Variants in PRKG1 observed in about 807,000 individuals in gnomAD.
The protein encoded by PRKG1 is cGMP-dependent protein kinase 1.
A neutral mutation model predicts 88.1 loss-of-function variants in PRKG1; 35 were observed. The observed-to-expected ratio is 0.40, with a 90% CI of 0.30 to 0.53. The LOEUF is 0.53. Ranked by LOEUF, PRKG1 falls within the 20% of genes least tolerant of loss-of-function variation. PRKG1 has a pLI of 0.59. For synonymous variants in PRKG1, 303 were observed against 292.5 expected, an observed-to-expected ratio of 1.04 and a Z score of -0.37; for missense variants, 540 against 839.8, an observed-to-expected ratio of 0.64 and a Z score of 4.41.
chr10:51,125,569 C>T (rs1845374708), intron 1 of PRKG1, among the ~76,000 whole-genome samples: 1 of 149,140 alleles, frequency 6.7e-6, no homozygotes, highest in African/African-American at 2.4e-5. Flanking sequence ...GTAATCCCAG[C>T]TACTTGGGAG....
intron 1 of PRKG1, among the ~76,000 whole-genome samples, chr10:51,022,709 GA>G (rs560277687): frequency 1.3e-5 from 2 of 151,794 alleles, no homozygotes; most frequent in East Asian, 1.9e-4. Context: ...AAATCAATTA[GA>G]AAAAAAAGAT....
intron 1 of PRKG1, among the ~76,000 whole-genome samples, chr10:51,039,449 C>T (rs912427125): frequency 5.8e-4 from 89 of 152,150 alleles, no homozygotes; most frequent in African/African-American, 1.9e-3. Context: ...TTTTCCTACA[C>T]AGTTGTTTGA....
At chr10:51,483,474 C>G (rs1412188636) in intron 3 of PRKG1, among the ~76,000 whole-genome samples, 3 of 151,970 alleles carry the variant, frequency 2.0e-5, no homozygotes, top group Non-Finnish European at 2.9e-5. Flanking sequence ...TTTCTAGTTC[C>G]TTTATTATTT....
chr10:51,198,121 A>T (rs1315640909), intron 2 of PRKG1, among the ~76,000 whole-genome samples: 2 of 152,134 alleles, frequency 1.3e-5, no homozygotes, highest in Non-Finnish European at 2.9e-5. Flanking sequence ...AATGTTTGCA[A>T]GTCAGTAGTC....
chr10:52,005,228 A>G (rs1376946084), intron 5 of PRKG1, among the ~76,000 whole-genome samples: 2 of 147,268 alleles, frequency 1.4e-5, no homozygotes, highest in African/African-American at 4.9e-5. Flanking sequence ...TGGCTTATGG[A>G]TGAATGAAAG....
intron 5 of PRKG1, among the ~76,000 whole-genome samples, chr10:52,026,715 G>T (rs1845348102): frequency 6.6e-6 from 1 of 152,188 alleles, no homozygotes; most frequent in Non-Finnish European, 1.5e-5. Flanking sequence ...GGTGGCTCAC[G>T]CCTGTAATCC....
intron 1 of PRKG1, among the ~76,000 whole-genome samples, chr10:51,010,296 T>C (rs1385599812): frequency 6.6e-6 from 1 of 152,282 alleles, no homozygotes; most frequent in Non-Finnish European, 1.5e-5. Context: ...CACTCAGATT[T>C]GCACAGGGCA....
chr10:51,394,026 C>T (rs902734407), intron 2 of PRKG1, among the ~76,000 whole-genome samples: 1 of 152,008 alleles, frequency 6.6e-6, no homozygotes, highest in Non-Finnish European at 1.5e-5. Context: ...TCTGAGGGGC[C>T]CAGGAGAAGG....
intron 3 of PRKG1, among the ~76,000 whole-genome samples, chr10:51,670,817 C>CAA (rs1159225242): frequency 6.6e-6 from 1 of 150,876 alleles, no homozygotes; most frequent in Non-Finnish European, 1.5e-5. Context: ...AAATCAACAA[C>CAA]AAAAGTACAA....
intron 1 of PRKG1, among the ~76,000 whole-genome samples, chr10:51,141,647 ATAG>A (rs1283774346): frequency 6.6e-6 from 1 of 152,208 alleles, no homozygotes; most frequent in Non-Finnish European, 1.5e-5. Context: ...TACATGATAA[ATAG>A]TGGATTCAAG....
At chr10:51,995,432 T>C (rs1262970439) in intron 5 of PRKG1, among the ~76,000 whole-genome samples, 2 of 152,234 alleles carry the variant, frequency 1.3e-5, no homozygotes, top group Non-Finnish European at 2.9e-5. Context: ...TCTAAAACTT[T>C]CTCAGTATAC....
rs77086619 is a variant in PRKG1 at position 51,608,106 on chromosome 10, G to A, written c.592+140270G>A. Among the ~76,000 whole-genome samples, 82 of 152,282 alleles carry A rather than the reference G, an allele frequency of 5.4e-4. No individual in the cohort carries two copies. The East Asian group carries it at 0.011, about 20-fold the overall frequency. On this transcript the variant is annotated intron_variant, in intron 3 of 17. Transcript: ENST00000373980. ...ATACTGGTTCTGACTGCATCTTAAT[G>A]CCAATTTATGGTAGCTTGGCTCAAA...
At chr10:51,554,648 G>T (rs1443875101) in intron 3 of PRKG1, among the ~76,000 whole-genome samples, 1 of 150,512 alleles carries the variant, frequency 6.6e-6, no homozygotes, top group Admixed American at 6.7e-5. Flanking sequence ...TGTAATCACT[G>T]GTTTCCTTGT....
intron 3 of PRKG1, among the ~76,000 whole-genome samples, chr10:51,704,424 G>A (rs1388481169): frequency 6.6e-6 from 1 of 152,150 alleles, no homozygotes; most frequent in Non-Finnish European, 1.5e-5. Flanking sequence ...GGAGCCTGTG[G>A]CATTGAATAA....
chr10:52,027,190 T>C (rs927051110), intron 5 of PRKG1, among the ~76,000 whole-genome samples: 3 of 152,134 alleles, frequency 2.0e-5, no homozygotes, highest in African/African-American at 7.2e-5. Flanking sequence ...CACTAGATAA[T>C]CACTCAAGTG....
At chr10:51,034,686 A>ATATATC (rs1843331614) in intron 1 of PRKG1, among the ~76,000 whole-genome samples, 1 of 128,746 alleles carries the variant, frequency 7.8e-6, no homozygotes, top group African/African-American at 2.9e-5. Flanking sequence ...ATATATATAT[A>ATATATC]TATATATATA....
chr10:51,472,155 A>T (rs1425577288), intron 3 of PRKG1, among the ~76,000 whole-genome samples: 1 of 151,870 alleles, frequency 6.6e-6, no homozygotes, highest in Non-Finnish European at 1.5e-5. Flanking sequence ...AGTAAAGGGG[A>T]AGTTGACTAA....
intron 3 of PRKG1, among the ~76,000 whole-genome samples, chr10:51,801,658 T>C (rs1332050507): frequency 6.6e-6 from 1 of 152,178 alleles, no homozygotes; most frequent in Non-Finnish European, 1.5e-5. Flanking sequence ...AATTCCTCAG[T>C]AGAAGAACTT....
At chr10:51,349,117 T>A (rs1842180501) in intron 2 of PRKG1, among the ~76,000 whole-genome samples, 1 of 152,166 alleles carries the variant, frequency 6.6e-6, no homozygotes, top group Admixed American at 6.5e-5. Flanking sequence ...CTTCATTCGA[T>A]GAGGAGTCTC....
Sources: allele counts gnomAD v4.1 joint callset (sites outside exome capture counted in the v4.1 genomes callset), GRCh38; gene constraint gnomAD v4.1.1; transcripts MANE v1.5; gene names NCBI Gene and HGNC (gene_info 2026-07-23, HGNC 2026-07-21).